STON1: variants seen among roughly 807,000 people sequenced by gnomAD.
STON1 encodes stonin-1.
In STON1, 79 loss-of-function variants were observed where a neutral mutation model predicts 60.9. The ratio of observed to expected loss-of-function variants is 1.30; its 90% CI spans 1.08 to 1.56. STON1 has a LOEUF of 1.56. Ranked by LOEUF, STON1 falls within the 40% of genes most tolerant of loss-of-function variation. The pLI, the probability that STON1 is intolerant of heterozygous loss-of-function variation, is 0.00. For synonymous variants in STON1, 363 were observed against 306.9 expected (o/e 1.18, Z -1.91); for missense variants, 1,166 against 858.9 (o/e 1.36, Z -4.47).
chr2:48,594,935 T>C (rs1228720226), intron 3 of STON1, among the ~76,000 whole-genome samples: 1 of 152,204 alleles, frequency 6.6e-6, no homozygotes, highest in East Asian at 1.9e-4. Context: ...CTGTAAATTT[T>C]TTTTCAGTAT....
chr2:48,589,165 G>T (rs965521453), intron 2 of STON1, among the ~76,000 whole-genome samples: 3 of 152,042 alleles, frequency 2.0e-5, no homozygotes, highest in Non-Finnish European at 4.4e-5. Context: ...TCAGCACGTT[G>T]GTTGCTCTCT....
intron 3 of STON1, among the ~76,000 whole-genome samples, chr2:48,593,443 C>T (rs896493832): frequency 8.5e-5 from 13 of 152,274 alleles, no homozygotes; most frequent in African/African-American, 3.1e-4. Flanking sequence ...GAAAATATTT[C>T]AAAAATCACA....
intron 1 of STON1, among the ~76,000 whole-genome samples, chr2:48,558,320 G>A (rs778224936): frequency 6.6e-6 from 1 of 152,250 alleles, no homozygotes; most frequent in Non-Finnish European, 1.5e-5. Flanking sequence ...TTCCGTGGAA[G>A]TAGAGAGGAA....
chr2:48,563,271 A>C (rs574066405), intron 1 of STON1, among the ~76,000 whole-genome samples: 2 of 152,342 alleles, frequency 1.3e-5, no homozygotes, highest in African/African-American at 2.4e-5. Flanking sequence ...GAGAGCTGCC[A>C]GGTGCCATTC....
intron 1 of STON1, among the ~76,000 whole-genome samples, chr2:48,553,740 G>A (rs547252538): frequency 1.3e-5 from 2 of 152,120 alleles, no homozygotes; most frequent in East Asian, 1.9e-4. Flanking sequence ...CACCTGCCTC[G>A]GCCTTCCAAA....
chr2:48,590,063 A>C (rs1376017811), intron 2 of STON1, among the ~76,000 whole-genome samples: 1 of 152,260 alleles, frequency 6.6e-6, no homozygotes, highest in Non-Finnish European at 1.5e-5. Flanking sequence ...ATAACAAGAC[A>C]GAAGAATGCC....
chr2:48,533,121 C>T (rs372000851), intron 1 of STON1, among the ~76,000 whole-genome samples: 2 of 152,168 alleles, frequency 1.3e-5, no homozygotes, highest in East Asian at 1.9e-4. Context: ...CGGTGGCTTC[C>T]GCTTGTAATC....
intron 1 of STON1, among the ~76,000 whole-genome samples, chr2:48,556,267 GC>G (rs1428604025): frequency 1.4e-4 from 3 of 21,388 alleles, no homozygotes; most frequent in Admixed American, 3.4e-4. Flanking sequence ...GGGCAGAGGG[GC>G]TCCTCACTTC....
At chr2:48,593,928 G>A (rs1674663784) in intron 3 of STON1, among the ~76,000 whole-genome samples, 1 of 152,124 alleles carries the variant, frequency 6.6e-6, no homozygotes, top group Non-Finnish European at 1.5e-5. Context: ...GGGAATTGCC[G>A]CCGCTGAAGA....
rs1190548793 is a variant in STON1, at chr2:48,582,075, A to G, written c.1442A>G (p.Asp481Gly). The G allele has an allele frequency of 5.6e-6, 9 of 1,614,196 alleles. No homozygotes were observed. The highest frequency in any genetic ancestry group is 7.6e-6 in the Non-Finnish European group (9 of 1,180,032). ...AAGGACTCAGAAAAAAAGGGGATTG[A>G]TATTCTTGACTACCATTTTCATAAG... ...YEKDSEKKGIDILDYHFHKCV... is the reference protein window; with the variant it reads ...YEKDSEKKGIGILDYHFHKCV... Residue 481 changes from aspartate (D) to glycine (G), a missense_variant, in exon 2 of 4, where the codon GAT becomes GGT. Coordinates refer to ENST00000404752, the MANE Select transcript of STON1 (RefSeq NM_006873.4).
intron 1 of STON1, among the ~76,000 whole-genome samples, chr2:48,540,424 G>C (rs368268912): frequency 6.6e-6 from 1 of 152,110 alleles, no homozygotes; most frequent in African/African-American, 2.4e-5. Flanking sequence ...CAATGCCCTG[G>C]AGGAAGGAAT....
At chr2:48,575,277 GGTT>G (rs1249566742) in intron 1 of STON1, among the ~76,000 whole-genome samples, 1 of 152,158 alleles carries the variant, frequency 6.6e-6, no homozygotes, top group Non-Finnish European at 1.5e-5. Flanking sequence ...TTAACATTTA[GGTT>G]GTTTCCATCT....
chr2:48,593,500 T>G (rs1032035978), intron 3 of STON1, among the ~76,000 whole-genome samples: 3 of 152,266 alleles, frequency 2.0e-5, no homozygotes, highest in Non-Finnish European at 4.4e-5. Flanking sequence ...TTAGAATGTA[T>G]GTTTCCCTTC....
intron 1 of STON1, among the ~76,000 whole-genome samples, chr2:48,549,810 CAAAAAAAAAAAA>C: frequency 1.3e-5 from 1 of 78,094 alleles, no homozygotes; most frequent in East Asian, 4.6e-4. Context: ...GACTCCATCT[CAAAAAAAAAAAA>C]AAAAAAAAAA....
chr2:48,536,983 T>C (rs963006022), intron 1 of STON1, among the ~76,000 whole-genome samples: 4 of 152,228 alleles, frequency 2.6e-5, no homozygotes, highest in Non-Finnish European at 5.9e-5. Context: ...TTACCCAGCA[T>C]CCCAGCTGAT....
At chr2:48,556,790 G>C (rs535680617) in intron 1 of STON1, among the ~76,000 whole-genome samples, 1 of 56,288 alleles carries the variant, frequency 1.8e-5, no homozygotes, top group Non-Finnish European at 3.6e-5. Context: ...CTGCCCGGGC[G>C]GGGGGGCTGA....
intron 1 of STON1, among the ~76,000 whole-genome samples, chr2:48,554,424 C>T (rs943036820): frequency 6.6e-6 from 1 of 151,776 alleles, no homozygotes; most frequent in Non-Finnish European, 1.5e-5. Context: ...GGTTTTACCA[C>T]GTTGGCCAGG....
At chr2:48,548,856 A>G (rs907396910) in intron 1 of STON1, among the ~76,000 whole-genome samples, 15 of 152,060 alleles carry the variant, frequency 9.9e-5, no homozygotes, top group African/African-American at 3.4e-4. Context: ...GAATACTACA[A>G]CATTTTTACT....
intron 1 of STON1, among the ~76,000 whole-genome samples, chr2:48,550,860 A>G (rs1239573667): frequency 3.3e-5 from 5 of 151,916 alleles, no homozygotes; most frequent in African/African-American, 7.2e-5. Context: ...ATCTTTAGGG[A>G]CTGGAAAACC....
Sources: gnomAD v4.1 joint callset for allele counts (sites outside exome capture counted in the v4.1 genomes callset) on GRCh38, gnomAD v4.1.1 for gene constraint, MANE v1.5 for transcripts, NCBI Gene and HGNC (gene_info 2026-07-23, HGNC 2026-07-21) for gene names.